The following C1orf21 variants were observed in gnomAD, a reference collection of about 807,000 sequenced individuals.
C1orf21 encodes the protein uncharacterized protein C1orf21.
A neutral mutation model predicts 18.7 loss-of-function variants in C1orf21; 3 were observed. The observed-to-expected ratio is 0.16, with a 90% CI of 0.07 to 0.42. The LOEUF is 0.42. Ranked by LOEUF, C1orf21 falls within the 10% of genes least tolerant of loss-of-function variation. C1orf21 has a pLI of 0.99. For missense variants in C1orf21, 104 were observed against 143.6 expected (o/e 0.72, Z 1.41); for synonymous variants, 41 against 46.4 (o/e 0.88, Z 0.47).
chr1:184,404,787 T>C (rs757405183), intron 1 of C1orf21, among the ~76,000 whole-genome samples: 1 of 152,204 alleles, frequency 6.6e-6, no homozygotes, highest in African/African-American at 2.4e-5. Context: ...TTAAGCTTGC[T>C]TTTCTTTAGT....
chr1:184,594,932 C>T (rs767303793), intron 4 of C1orf21, among the ~76,000 whole-genome samples: 1 of 152,098 alleles, frequency 6.6e-6, no homozygotes, highest in Non-Finnish European at 1.5e-5. Context: ...CTCTAAAGCC[C>T]ATTTTGCCCA....
At chr1:184,441,512 T>C (rs1410670578) in intron 1 of C1orf21, among the ~76,000 whole-genome samples, 1 of 152,188 alleles carries the variant, frequency 6.6e-6, no homozygotes, top group Non-Finnish European at 1.5e-5. Context: ...TAAATCCAAT[T>C]CCAAAATAGG....
chr1:184,480,041 G>A (rs562539430), intron 2 of C1orf21, among the ~76,000 whole-genome samples: 17 of 152,292 alleles, frequency 1.1e-4, no homozygotes, highest in Admixed American at 1.0e-3. Context: ...CTAGGACTTT[G>A]TAAGAAGATA....
At chr1:184,577,319 A>C (rs546692842) in intron 3 of C1orf21, among the ~76,000 whole-genome samples, 1 of 151,978 alleles carries the variant, frequency 6.6e-6, no homozygotes, top group Non-Finnish European at 1.5e-5. Flanking sequence ...GAAAGGAGCT[A>C]TGGACCGAGG....
At chr1:184,394,703 T>C (rs6424950) in intron 1 of C1orf21, among the ~76,000 whole-genome samples, 32,349 of 152,108 alleles carry the variant, frequency 0.21, 4,315 homozygotes, top group African/African-American at 0.38. Context: ...GTGACTTCAG[T>C]GGTTCTATCT....
intron 3 of C1orf21, among the ~76,000 whole-genome samples, chr1:184,522,931 A>C (rs1571397853): frequency 6.6e-6 from 1 of 152,102 alleles, no homozygotes; most frequent in Non-Finnish European, 1.5e-5. Flanking sequence ...CAAGCAATCC[A>C]CCTGCCTCGG....
intron 3 of C1orf21, among the ~76,000 whole-genome samples, chr1:184,523,439 A>G (rs1022068558): frequency 1.3e-5 from 2 of 152,140 alleles, no homozygotes; most frequent in Non-Finnish European, 2.9e-5. Context: ...TCTGACTGGT[A>G]CTCCTGAAAA....
At chr1:184,587,095 G>A (rs1298367306) in intron 3 of C1orf21, among the ~76,000 whole-genome samples, 1 of 152,050 alleles carries the variant, frequency 6.6e-6, no homozygotes, top group Non-Finnish European at 1.5e-5. Context: ...ATAGTTGTAG[G>A]TGTACAGGCT....
At chr1:184,570,423 A>G (rs16823313) in intron 3 of C1orf21, among the ~76,000 whole-genome samples, 28,475 of 152,134 alleles carry the variant, frequency 0.19, 2,840 homozygotes, top group African/African-American at 0.24. Context: ...GTCCCCTTGC[A>G]TGAAATTCTG....
intron 4 of C1orf21, among the ~76,000 whole-genome samples, chr1:184,593,256 C>T (rs1276787316): frequency 6.7e-6 from 1 of 149,424 alleles, no homozygotes; most frequent in African/African-American, 2.5e-5. Flanking sequence ...TTCTGTTTTC[C>T]CCACAGCAGC....
intron 4 of C1orf21, among the ~76,000 whole-genome samples, chr1:184,591,372 C>G (rs1462656438): frequency 6.6e-6 from 1 of 152,170 alleles, no homozygotes; most frequent in East Asian, 1.9e-4. Context: ...ACAGAGGAGA[C>G]TATCACTATG....
At chr1:184,470,531 A>G (rs148789049) in intron 1 of C1orf21, among the ~76,000 whole-genome samples, 213 of 152,276 alleles carry the variant, frequency 1.4e-3, no homozygotes, top group African/African-American at 4.5e-3. Flanking sequence ...GAGGTCCCCC[A>G]TGACACAAGC....
At chr1:184,608,524 C>A (rs749571480) in intron 5 of C1orf21, among the ~76,000 whole-genome samples, 1 of 152,218 alleles carries the variant, frequency 6.6e-6, no homozygotes, top group Non-Finnish European at 1.5e-5. Flanking sequence ...GCCACAGATG[C>A]AGTTGAATTG....
At position 184,392,478 on chromosome 1, in the gene C1orf21, C is replaced by T. The variant is rs115209961; in HGVS notation, c.-125+5110C>T. Reference sequence around the variant, plus strand: ...GAGGGCGGCGAGGGTTGAGAAATTACGTATTGGGCACAATGTACACTATTT... The same window carrying T: ...GAGGGCGGCGAGGGTTGAGAAATTATGTATTGGGCACAATGTACACTATTT... On this transcript the variant is annotated intron_variant, in intron 1 of 5. Coordinates refer to ENST00000235307, the MANE Select transcript of C1orf21 (RefSeq NM_030806.4). Among the ~76,000 whole-genome samples the T allele has an allele frequency of 7.6e-3, 1,160 of 152,274 alleles. 14 individuals carry two copies. Among genetic ancestry groups the T allele is most frequent in the African/African-American group, 0.027 (1,119 of 41,540 alleles).
chr1:184,443,732 G>A (rs536253034), intron 1 of C1orf21, among the ~76,000 whole-genome samples: 3 of 152,212 alleles, frequency 2.0e-5, no homozygotes, highest in Admixed American at 2.0e-4. Flanking sequence ...CTAACCACAG[G>A]GAAGGGAAGG....
chr1:184,413,711 C>T (rs533605913), intron 1 of C1orf21, among the ~76,000 whole-genome samples: 66 of 152,290 alleles, frequency 4.3e-4, no homozygotes, highest in African/African-American at 1.6e-3. Context: ...AGACTGTCAG[C>T]TTTGCCGTTA....
intron 1 of C1orf21, among the ~76,000 whole-genome samples, chr1:184,398,935 C>A (rs1656105513): frequency 6.6e-6 from 1 of 152,194 alleles, no homozygotes; most frequent in South Asian, 2.1e-4. Context: ...GATACAGAGT[C>A]GTTTTCCTTT....
chr1:184,444,575 A>G (rs1025387733), intron 1 of C1orf21, among the ~76,000 whole-genome samples: 2 of 152,070 alleles, frequency 1.3e-5, no homozygotes, highest in African/African-American at 2.4e-5. Flanking sequence ...GTTTGTCTTT[A>G]TCAGCAGAAT....
chr1:184,608,210 T>C (rs1659677181), intron 5 of C1orf21, among the ~76,000 whole-genome samples: 2 of 152,210 alleles, frequency 1.3e-5, no homozygotes, highest in South Asian at 4.1e-4. Flanking sequence ...GGGAATATAG[T>C]GTCTTTACAT....
Sources: allele counts gnomAD v4.1 joint callset (sites outside exome capture counted in the v4.1 genomes callset), GRCh38; gene constraint gnomAD v4.1.1; transcripts MANE v1.5; gene names NCBI Gene and HGNC (gene_info 2026-07-23, HGNC 2026-07-21).